Variants in ACAD9 observed in about 807,000 individuals in gnomAD.
ACAD9 encodes the protein complex I assembly factor ACAD9, mitochondrial.
ACAD9 carries 53 observed loss-of-function variants against 70.2 expected under a neutral mutation model. The observed-to-expected ratio is 0.75, with a 90% CI of 0.61 to 0.95. The LOEUF is 0.95. ACAD9 is among the 40% of genes least tolerant of loss of function. The probability of loss-of-function intolerance (pLI) is 0.00; values close to 1 mark genes in which losing one functional copy is unlikely to be tolerated. For synonymous variants in ACAD9, 313 were observed against 312.1 expected, an observed-to-expected ratio of 1.00 and a Z score of -0.03; for missense variants, 777 against 802.8, an observed-to-expected ratio of 0.97 and a Z score of 0.39.
chr3:128,891,869 G>C (rs892294806), intron 2 of ACAD9, among the ~76,000 whole-genome samples: 1 of 152,068 alleles, frequency 6.6e-6, no homozygotes, highest in African/African-American at 2.4e-5. Flanking sequence ...CATTTATTTT[G>C]CTTGGAGTTG....
At chr3:128,901,157 C>T (rs1283837807) in intron 7 of ACAD9, 119 bp from the exon 8 acceptor site, 2 of 931,672 alleles carry the variant, frequency 2.1e-6, no homozygotes, top group Non-Finnish European at 1.7e-6. Context: ...TCTTTCTATA[C>T]TGTCCTACCA....
chr3:128,902,735 C>A lies in ACAD9; in HGVS notation c.958+107C>A. 7.9e-7 allele frequency: 1 copy of A among 1,261,934 alleles called. No individual in the cohort carries two copies. The highest frequency in any genetic ancestry group is 1.1e-6 in the Non-Finnish European group (1 of 882,780). 78.2% of individuals were successfully genotyped at this position (1,261,934 alleles called of 1,614,324 possible). Reference sequence around the variant, plus strand: ...GGCCCCTTCCAGGCCAGTGCTGAACCAGGCTACCAGCCTGAGCTCAGTCCC... The same window carrying A: ...GGCCCCTTCCAGGCCAGTGCTGAACAAGGCTACCAGCCTGAGCTCAGTCCC... On this transcript the variant is annotated intron_variant, in intron 9 of 17. Coordinates refer to ENST00000308982, the MANE Select transcript of ACAD9 (RefSeq NM_014049.5). The surrounding 1 kb of genome is among the most constrained non-coding windows in gnomAD (Gnocchi z 4.0).
rs1559818263 is a variant in ACAD9, at chr3:128,884,748, T to C, written c.244+2T>C. 1.2e-6 allele frequency: 2 copies of C among 1,608,720 alleles called. No homozygotes were observed. Among genetic ancestry groups the C allele is most frequent in the Non-Finnish European group, 1.7e-6 (2 of 1,175,626 alleles). ...TGGAAAAATTCTTCACTGAAGAGGG[T>C]ATGTATGGTTTTCTTTACCATTGCC... On this transcript the variant is annotated splice_donor_variant, in intron 2 of 17. Transcript: ENST00000308982. LOFTEE classifies it high-confidence loss of function.
rs531459599 is a variant in ACAD9, at chr3:128,882,183, ATTCT to A, written c.150+2345_150+2348del. Among the ~76,000 whole-genome samples, 683 of 152,168 alleles carry A rather than the reference ATTCT, an allele frequency of 4.5e-3. 1 individual carries two copies. Among genetic ancestry groups the A allele is most frequent in the Non-Finnish European group, 6.8e-3 (463 of 68,004 alleles). On this transcript the variant is annotated intron_variant, in intron 1 of 17. Coordinates refer to ENST00000308982, the MANE Select transcript of ACAD9 (RefSeq NM_014049.5). ...GCACGCCCTGCCACACCCAGCCAAG[ATTCT>A]TTTTTTAATCTACCTTTGTACTCAA... is the stretch of plus-strand genomic sequence containing the variant.
chr3:128,898,302 A>G (rs1935625004), intron 6 of ACAD9: 2 of 391,442 alleles, frequency 5.1e-6, no homozygotes, highest in African/African-American at 4.3e-5. Context: ...ATCGCATGGT[A>G]ACAATCTCAG....
At chr3:128,905,123 A>G (rs62265262) in intron 11 of ACAD9, among the ~76,000 whole-genome samples, 7,220 of 152,140 alleles carry the variant, frequency 0.047, 350 homozygotes, top group African/African-American at 0.12. Context: ...ACACCAGCCT[A>G]GGCAACAAGA....
chr3:128,905,672 A>G (rs1187398235), intron 11 of ACAD9, among the ~76,000 whole-genome samples: 1 of 152,152 alleles, frequency 6.6e-6, no homozygotes. Context: ...TTTTCTTGTC[A>G]CCCTTGAACA....
At chr3:128,888,508 G>T (rs757427008) in intron 2 of ACAD9, among the ~76,000 whole-genome samples, 1 of 152,170 alleles carries the variant, frequency 6.6e-6, no homozygotes, top group African/African-American at 2.4e-5. Context: ...GAACCCGGGA[G>T]GTGGAGGTTG....
chr3:128,879,664 AG>A lies in ACAD9; in HGVS notation c.-26del, dbSNP rs1355246502. The A allele has an allele frequency of 4.3e-6, 7 of 1,611,302 alleles. No homozygotes were observed. Among genetic ancestry groups the A allele is most frequent in the African/African-American group, 2.7e-5 (2 of 74,832 alleles). ...CTGCGGCGCTAAGAAGGGGAGACTG[AG>A]GCTGAGGCTGGGGAACATCGGGCAG... On this transcript the variant is annotated 5_prime_UTR_variant, in exon 1 of 18. Coordinates refer to ENST00000308982, the MANE Select transcript of ACAD9 (RefSeq NM_014049.5).
intron 2 of ACAD9, among the ~76,000 whole-genome samples, chr3:128,887,704 C>G (rs1178969192): frequency 6.6e-6 from 1 of 150,624 alleles, no homozygotes; most frequent in Non-Finnish European, 1.5e-5. Context: ...CACTCCCTCT[C>G]ACAGGAACAA....
In ACAD9 at chr3:128,912,575, A is replaced by G. The variant is rs770630924; in HGVS notation, c.1834A>G (p.Ile612Val). The G allele has an allele frequency of 5.6e-6, 9 of 1,614,050 alleles. No individual in the cohort carries two copies. The highest frequency in any genetic ancestry group is 3.3e-5 in the South Asian group (3 of 91,090). ...SQQILEKRAY[I>V]CAHPLDRTC ...GCAGATCCTTGAGAAGCGAGCCTAT[A>G]TCTGTGCCCACCCTCTGGACAGGAC... The change falls in exon 18 of 18, where the codon ATC becomes GTC. Residue 612 changes from isoleucine to valine, a missense_variant. Physicochemically the swap from Ile to Val is conservative, Grantham distance 29 (BLOSUM62 3). Transcript: ENST00000308982.
intron 4 of ACAD9, 75 bp downstream of exon 4, chr3:128,895,491 G>A (rs968539245): frequency 2.9e-6 from 4 of 1,385,542 alleles, no homozygotes; most frequent in African/African-American, 1.4e-5. Flanking sequence ...GAGGCCAGAG[G>A]CTTGCTCCCT....
At chr3:128,908,312 G>T in intron 13 of ACAD9, 48 bp downstream of exon 13, 1 of 1,603,314 alleles carries the variant, frequency 6.2e-7, no homozygotes, top group South Asian at 1.1e-5. Flanking sequence ...TACCTGCCCA[G>T]CAGGGGCCAG....
chr3:128,880,102 T>C (rs1935043346), intron 1 of ACAD9: 3 of 1,315,638 alleles, frequency 2.3e-6, no homozygotes, highest in Non-Finnish European at 3.1e-6. Context: ...TTCGGAAAAC[T>C]CTAGGCTAGG....
intron 11 of ACAD9, among the ~76,000 whole-genome samples, chr3:128,905,163 A>C (rs1316835572): frequency 6.6e-6 from 1 of 151,764 alleles, no homozygotes; most frequent in East Asian, 2.0e-4. Context: ...AAAAACAAAA[A>C]ACAAAAAACA....
In ACAD9 at chr3:128,904,563, A is replaced by G. The variant is rs938853431; in HGVS notation, c.1149+58A>G. 1.0e-5 allele frequency: 16 copies of G among 1,586,478 alleles called. No individual in the cohort carries two copies. In the Admixed American group the frequency reaches 2.5e-4, roughly 24 times the overall value. On this transcript the variant is annotated intron_variant, in intron 11 of 17. Transcript: ENST00000308982. ...GAGGGAGGCTTGGGAAATCTCCCTCACTGTGACCTTTCAAGCCCATGCTGT... is the reference window on the plus strand; with the variant it reads ...GAGGGAGGCTTGGGAAATCTCCCTCGCTGTGACCTTTCAAGCCCATGCTGT...
At chr3:128,894,629 G>A (rs1044862764) in intron 3 of ACAD9, among the ~76,000 whole-genome samples, 1 of 149,802 alleles carries the variant, frequency 6.7e-6, no homozygotes, top group African/African-American at 2.5e-5. Flanking sequence ...TGAATTCCTC[G>A]GGCTCAAACA....
rs376540862 is a variant in ACAD9 at position 128,909,435 on chromosome 3, C to T, written c.1563+14C>T. On this transcript the variant is annotated intron_variant, in intron 15 of 17. Transcript: ENST00000308982. ...CGCTTTGGCAAGGTAACCAGGCCCTCCCAGGCCTGGGTCGCAAGCGGTCCT... is the reference window on the plus strand; with the variant it reads ...CGCTTTGGCAAGGTAACCAGGCCCTTCCAGGCCTGGGTCGCAAGCGGTCCT... The T allele has an allele frequency of 1.9e-6, 3 of 1,613,354 alleles. No homozygotes were observed. Among genetic ancestry groups the T allele is most frequent in the Non-Finnish European group, 2.5e-6 (3 of 1,179,696 alleles).
chr3:128,892,575 G>C (rs1445872642), intron 2 of ACAD9, among the ~76,000 whole-genome samples: 5 of 152,186 alleles, frequency 3.3e-5, no homozygotes, highest in Admixed American at 2.0e-4. Flanking sequence ...CTGTCGCTCA[G>C]GCTGGAGTGC....
Sources: allele counts gnomAD v4.1 joint callset (sites outside exome capture counted in the v4.1 genomes callset), GRCh38; gene constraint gnomAD v4.1.1; non-coding constraint Gnocchi (gnomAD v3.1); transcripts MANE v1.5; gene names NCBI Gene and HGNC (gene_info 2026-07-23, HGNC 2026-07-21).